CALN1: variants seen among roughly 807,000 people sequenced by gnomAD.
CALN1 encodes the protein calneuron 1, also known as calcium-binding protein 8.
Under a neutral mutation model 30.6 loss-of-function variants are expected in CALN1, and 17 were observed. That is an observed-to-expected ratio of 0.56 (90% CI 0.38 to 0.83). The LOEUF is 0.83. Among genes scored for constraint, CALN1 ranks in the 40% least tolerant of loss-of-function variants. The probability of loss-of-function intolerance (pLI) is 0.00; values close to 1 mark genes in which losing one functional copy is unlikely to be tolerated. For synonymous variants in CALN1, 156 were observed against 131.4 expected, an observed-to-expected ratio of 1.19 and a Z score of -1.28; for missense variants, 291 against 354.9, an observed-to-expected ratio of 0.82 and a Z score of 1.45.
In CALN1 at chr7:72,271,575, A is replaced by AATATATATATATAT. The variant is rs1410679506; in HGVS notation, c.244+7097_244+7110dup. On this transcript the variant is annotated intron_variant, in intron 3 of 6. Transcript: ENST00000395275. ...CTGTGCCTGCCTTTTAAAAAAAAAAAATATATATATATATATATAGTTTTC... is the reference window on the plus strand; with the variant it reads ...CTGTGCCTGCCTTTTAAAAAAAAAAAATATATATATATATATATATATATATATATATAGTTTTC... Among the ~76,000 whole-genome samples, 54 of 52,056 alleles carry AATATATATATATAT rather than the reference A, an allele frequency of 1.0e-3. 2 individuals carry two copies. The highest frequency in any genetic ancestry group is 2.0e-3 in the Admixed American group (10 of 5,090). The allele number at this position is 52,056 out of a possible 152,430, so 34.2% of individuals were successfully genotyped here.
intron 2 of CALN1, among the ~76,000 whole-genome samples, chr7:72,324,522 G>A (rs1310901715): frequency 6.6e-6 from 1 of 150,648 alleles, no homozygotes; most frequent in Non-Finnish European, 1.5e-5. Flanking sequence ...TTTCAGCTCT[G>A]GCTCTCTCTC....
chr7:72,062,328 T>C (rs1478693871), intron 4 of CALN1, among the ~76,000 whole-genome samples: 2 of 151,832 alleles, frequency 1.3e-5, no homozygotes, highest in East Asian at 1.9e-4. Flanking sequence ...CTGGCCAACA[T>C]GGTGAAGCCT....
chr7:72,020,112 T>C (rs1227478058), intron 5 of CALN1, among the ~76,000 whole-genome samples: 1 of 152,108 alleles, frequency 6.6e-6, no homozygotes, highest in Admixed American at 6.6e-5. Context: ...CAGGATGGAG[T>C]GCAGTGGCAC....
chr7:72,277,521 C>T (rs1351552048), intron 3 of CALN1, among the ~76,000 whole-genome samples: 1 of 152,222 alleles, frequency 6.6e-6, no homozygotes, highest in Non-Finnish European at 1.5e-5. Context: ...CTTCTTCAAA[C>T]ATCCCCCAGA....
intron 5 of CALN1, among the ~76,000 whole-genome samples, chr7:71,907,239 A>AAC (rs71531773): frequency 0.033 from 4,867 of 147,772 alleles, 160 homozygotes; most frequent in African/African-American, 0.084. Context: ...ATGAGGTTTA[A>AAC]ACACACACAC....
At chr7:72,397,648 G>C (rs1301600744) in intron 2 of CALN1, among the ~76,000 whole-genome samples, 9 of 151,314 alleles carry the variant, frequency 5.9e-5, no homozygotes, top group Non-Finnish European at 1.2e-4. Flanking sequence ...AGGTCTACCA[G>C]TAGCCTCTTC....
intron 2 of CALN1, among the ~76,000 whole-genome samples, chr7:72,386,601 T>C (rs956422): frequency 6.6e-6 from 1 of 152,208 alleles, no homozygotes; most frequent in African/African-American, 2.4e-5. Context: ...CATATAATAA[T>C]AGCTTACAGT....
chr7:72,458,938 T>C, the CALN1 span, among the ~76,000 whole-genome samples: 1 of 148,252 alleles, frequency 6.7e-6, no homozygotes, highest in South Asian at 2.1e-4. Context: ...TGAGACAGAG[T>C]CTTACTCTGT....
intron 2 of CALN1, among the ~76,000 whole-genome samples, chr7:72,308,319 G>T (rs1799789891): frequency 7.1e-6 from 1 of 141,672 alleles, no homozygotes; most frequent in Non-Finnish European, 1.5e-5. Flanking sequence ...AGCTGAGATT[G>T]CACCACTGCA....
rs57111533 is a variant in CALN1 at position 72,240,192 on chromosome 7, C to CTT, written c.244+38492_244+38493dup. On this transcript the variant is annotated intron_variant, in intron 3 of 6. Coordinates refer to ENST00000395275, the MANE Select transcript of CALN1 (RefSeq NM_031468.4). The stretch of plus-strand genomic sequence containing the variant: ...GTTCTCGAAACACTTGGGGAAATTT[C>CTT]TTTTTTTTTTTTTTTAAATAAAGAT... Among the ~76,000 whole-genome samples the CTT allele has an allele frequency of 4.5e-3, 630 of 140,716 alleles. 9 individuals carry two copies. Among genetic ancestry groups the CTT allele is most frequent in the African/African-American group, 0.015 (569 of 38,862 alleles). The allele number at this position is 140,716 out of a possible 152,430, so 92.3% of individuals were successfully genotyped here.
Position 71,972,624 on chromosome 7 carries a change from G to A in CALN1, c.501+51033C>T, listed in dbSNP as rs1041753722. On this transcript the variant is annotated intron_variant, in intron 5 of 6. Coordinates refer to ENST00000395275, the MANE Select transcript of CALN1 (RefSeq NM_031468.4). ...AGCTGTCAGATGAGATTTAGATGGT[G>A]TGCAGAGAGACAGCAATCAATTTCC... 2.6e-5 allele frequency among the ~76,000 whole-genome samples: 4 copies of A among 152,178 alleles called. No individual in the cohort carries two copies. The East Asian group carries it at 7.7e-4, about 29-fold the overall frequency.
At chr7:72,269,071 A>G (rs971852446) in intron 3 of CALN1, among the ~76,000 whole-genome samples, 6 of 152,184 alleles carry the variant, frequency 3.9e-5, no homozygotes, top group African/African-American at 1.2e-4. Context: ...TTCACGTAGT[A>G]GCTGCACGAA....
intron 2 of CALN1, among the ~76,000 whole-genome samples, chr7:72,338,269 G>C (rs1296736004): frequency 6.6e-6 from 1 of 151,972 alleles, no homozygotes; most frequent in Non-Finnish European, 1.5e-5. Flanking sequence ...GTCCCCTCTT[G>C]GTGGCAAAGA....
chr7:71,992,917 G>A (rs1026150586), intron 5 of CALN1, among the ~76,000 whole-genome samples: 4 of 152,170 alleles, frequency 2.6e-5, no homozygotes, highest in South Asian at 2.1e-4. Flanking sequence ...CTAAGAGTAG[G>A]CATACCATTC....
intron 3 of CALN1, among the ~76,000 whole-genome samples, chr7:72,200,625 T>C (rs1451268423): frequency 1.3e-5 from 2 of 152,134 alleles, no homozygotes; most frequent in African/African-American, 2.4e-5. Flanking sequence ...GCCCAGGTTC[T>C]ACCAGTGCAC....
chr7:72,421,247 T>C (rs1807599995), intron 1 of CALN1, among the ~76,000 whole-genome samples: 1 of 152,158 alleles, frequency 6.6e-6, no homozygotes, highest in Non-Finnish European at 1.5e-5. Context: ...TGTTGTCTTT[T>C]ATCCATCACT....
intron 2 of CALN1, among the ~76,000 whole-genome samples, chr7:72,344,772 A>T (rs1169983532): frequency 6.8e-6 from 1 of 147,156 alleles, no homozygotes; most frequent in African/African-American, 2.5e-5. Flanking sequence ...TTTTCGAAAA[A>T]ATTTTCAAAA....
intron 3 of CALN1, among the ~76,000 whole-genome samples, chr7:72,197,932 T>A (rs117099602): frequency 6.6e-6 from 1 of 152,100 alleles, no homozygotes; most frequent in East Asian, 1.9e-4. Context: ...AGTTTCTGCA[T>A]TGAGGAATTT....
At chr7:72,362,485 T>TG (rs2129559847) in intron 2 of CALN1, among the ~76,000 whole-genome samples, 1 of 152,328 alleles carries the variant, frequency 6.6e-6, no homozygotes, top group South Asian at 2.1e-4. Context: ...AAGCCTCATC[T>TG]GGTCTGGGTA....
Sources: allele counts gnomAD v4.1 joint callset (sites outside exome capture counted in the v4.1 genomes callset), GRCh38; gene constraint gnomAD v4.1.1; transcripts MANE v1.5; gene names NCBI Gene and HGNC (gene_info 2026-07-23, HGNC 2026-07-21).